Variants in PDS5B observed in about 807,000 individuals in gnomAD.
The protein encoded by PDS5B is sister chromatid cohesion protein PDS5 homolog B.
In PDS5B, 51 loss-of-function variants were observed where a neutral mutation model predicts 184.1. That is an observed-to-expected ratio of 0.28 (90% CI 0.22 to 0.35). The LOEUF is 0.35. Among genes scored for constraint, PDS5B ranks in the 10% least tolerant of loss-of-function variants. The probability of loss-of-function intolerance (pLI) is 1.00; values close to 1 mark genes in which losing one functional copy is unlikely to be tolerated. For synonymous variants in PDS5B, 566 were observed against 569.2 expected (o/e 0.99, Z 0.08); for missense variants, 1,180 against 1,723.3 (o/e 0.68, Z 5.58).
intron 18 of PDS5B, among the ~76,000 whole-genome samples, chr13:32,708,254 A>G (rs9596099): frequency 0.013 from 1,907 of 152,194 alleles, 39 homozygotes; most frequent in African/African-American, 0.043. Context: ...CAGTAAAGCT[A>G]TTTTCTTCTG....
chr13:32,659,561 G>A (rs1950593454), intron 6 of PDS5B, among the ~76,000 whole-genome samples: 2 of 152,108 alleles, frequency 1.3e-5, no homozygotes, highest in Non-Finnish European at 2.9e-5. Context: ...CTTAGATGCT[G>A]TTACATAACT....
intron 2 of PDS5B, 26 bp from the exon 3 acceptor site, chr13:32,651,778 T>G: frequency 1.4e-6 from 2 of 1,393,408 alleles, no homozygotes; most frequent in Non-Finnish European, 2.0e-6. Flanking sequence ...GAGCATTTCA[T>G]TATTTGATTT....
At chr13:32,712,500 TTGATTAAACTGTCTTCCC>T (rs1298242261) in intron 19 of PDS5B, among the ~76,000 whole-genome samples, 110 of 152,322 alleles carry the variant, frequency 7.2e-4, no homozygotes, top group African/African-American at 2.5e-3. Flanking sequence ...TAAGAGAATG[TTGATTAAACTGTCTTCCC>T]TTGAATTCAT....
intron 1 of PDS5B, among the ~76,000 whole-genome samples, chr13:32,631,892 A>G (rs773393243): frequency 1.1e-4 from 16 of 152,238 alleles, no homozygotes; most frequent in Non-Finnish European, 2.4e-4. Flanking sequence ...GCAGAATCTG[A>G]AGCTTCTCCC....
chr13:32,693,845 C>G (rs984796014), intron 13 of PDS5B, among the ~76,000 whole-genome samples: 1 of 151,496 alleles, frequency 6.6e-6, no homozygotes, highest in Non-Finnish European at 1.5e-5. Context: ...AGACTGTTTA[C>G]AATTTAAATA....
chr13:32,635,792 G>C (rs1392074589), intron 1 of PDS5B, among the ~76,000 whole-genome samples: 1 of 139,872 alleles, frequency 7.1e-6, no homozygotes, highest in African/African-American at 2.7e-5. Flanking sequence ...TTTTGAGGCA[G>C]AGTCTTGCTC....
At chr13:32,768,797 AAAAAAAAAAG>A (rs566125382) in intron 31 of PDS5B, among the ~76,000 whole-genome samples, 44,839 of 126,106 alleles carry the variant, frequency 0.36, 8,773 homozygotes, top group Non-Finnish European at 0.43. Context: ...TGTCTCAAAA[AAAAAAAAAAG>A]AAAAAAAAAA....
intron 31 of PDS5B, among the ~76,000 whole-genome samples, chr13:32,768,947 C>CAAAAAAAA (rs770324221): frequency 9.5e-5 from 8 of 84,534 alleles, no homozygotes; most frequent in African/African-American, 2.6e-4. Flanking sequence ...TAAAAAAATA[C>CAAAAAAAA]AAAAAAAAAA....
intron 21 of PDS5B, among the ~76,000 whole-genome samples, chr13:32,737,557 A>T (rs1319214428): frequency 6.6e-6 from 1 of 152,152 alleles, no homozygotes; most frequent in Non-Finnish European, 1.5e-5. Context: ...TTGCCCTGCA[A>T]ATTCTCACTG....
chr13:32,628,210 C>G (rs1043754088), intron 1 of PDS5B, among the ~76,000 whole-genome samples: 1 of 152,104 alleles, frequency 6.6e-6, no homozygotes. Context: ...TTTCTTCCAT[C>G]CCAAGCTCAA....
chr13:32,609,728 G>A (rs745879704), intron 1 of PDS5B, among the ~76,000 whole-genome samples: 28 of 152,134 alleles, frequency 1.8e-4, no homozygotes, highest in Non-Finnish European at 3.5e-4. Flanking sequence ...AGTCACTCTA[G>A]TCAGTTCTGT....
intron 29 of PDS5B, 78 bp from the exon 30 acceptor site, chr13:32,760,497 A>G: frequency 7.6e-7 from 1 of 1,315,062 alleles, no homozygotes; most frequent in East Asian, 2.3e-5. Context: ...TTTGAGAGAG[A>G]TGTTATTTAT....
intron 19 of PDS5B, among the ~76,000 whole-genome samples, chr13:32,720,095 G>T (rs1952618432): frequency 6.6e-6 from 1 of 152,156 alleles, no homozygotes; most frequent in Non-Finnish European, 1.5e-5. Context: ...ACTGTGCCTG[G>T]CTGCAATGTA....
chr13:32,603,198 G>T (rs1338179028), intron 1 of PDS5B, among the ~76,000 whole-genome samples: 1 of 152,122 alleles, frequency 6.6e-6, no homozygotes, highest in Non-Finnish European at 1.5e-5. Flanking sequence ...GTATTACCTA[G>T]GTTTTCTTCT....
At chr13:32,681,044 G>A (rs1193576698) in intron 10 of PDS5B, among the ~76,000 whole-genome samples, 1 of 152,192 alleles carries the variant, frequency 6.6e-6, no homozygotes, top group African/African-American at 2.4e-5. Flanking sequence ...GACTGAGTAG[G>A]AGAGAGGCAG....
rs981343751 is a variant in PDS5B at position 32,667,911 on chromosome 13, A to G, written c.705+67A>G. 5 of 813,820 alleles carry G rather than the reference A, an allele frequency of 6.1e-6. No homozygotes were observed. In the East Asian group the frequency reaches 8.3e-5, roughly 14 times the overall value. The allele number at this position is 813,820 out of a possible 1,614,324, so 50.4% of individuals were successfully genotyped here. ...AAAATTTAAAGACTTGCTAGAAGCA[A>G]AATTTCATCAGATAGTATATAGTTT... On this transcript the variant is annotated intron_variant, in intron 7 of 34. Coordinates refer to ENST00000315596, the MANE Select transcript of PDS5B (RefSeq NM_015032.4).
At chr13:32,604,010 G>A (rs1379832218) in intron 1 of PDS5B, among the ~76,000 whole-genome samples, 2 of 152,184 alleles carry the variant, frequency 1.3e-5, no homozygotes, top group African/African-American at 4.8e-5. Flanking sequence ...ATACAGTCAT[G>A]TCATCTGCAA....
chr13:32,599,299 T>C (rs2057934975), intron 1 of PDS5B, among the ~76,000 whole-genome samples: 1 of 152,078 alleles, frequency 6.6e-6, no homozygotes, highest in Non-Finnish European at 1.5e-5. Context: ...CATCTTGTTT[T>C]GTCACCCAGG....
At chr13:32,602,546 G>GCAATAA (rs1566238035) in intron 1 of PDS5B, among the ~76,000 whole-genome samples, 2 of 152,180 alleles carry the variant, frequency 1.3e-5, no homozygotes, top group East Asian at 3.9e-4. Context: ...GAATAGTGCC[G>GCAATAA]CAATAAACAT....
Sources: gnomAD v4.1 joint callset for allele counts (sites outside exome capture counted in the v4.1 genomes callset) on GRCh38, gnomAD v4.1.1 for gene constraint, MANE v1.5 for transcripts, NCBI Gene and HGNC (gene_info 2026-07-23, HGNC 2026-07-21) for gene names.